DMRT3: variants seen among roughly 807,000 people sequenced by gnomAD.
DMRT3 encodes the protein doublesex and mab-3 related transcription factor 3.
In DMRT3, 29 loss-of-function variants were observed where a neutral mutation model predicts 34.9. The ratio of observed to expected loss-of-function variants is 0.83; its 90% confidence interval spans 0.62 to 1.13. DMRT3 has a LOEUF of 1.13. DMRT3 is among the 50% of genes most tolerant of loss of function. The pLI, the probability that DMRT3 is intolerant of heterozygous loss-of-function variation, is 0.00. For missense variants in DMRT3, 772 were observed against 629.1 expected (o/e 1.23, Z -2.43); for synonymous variants, 350 against 286.0 (o/e 1.22, Z -2.26).
chr9:989,947 C>G lies in DMRT3; in HGVS notation c.455-94C>G. 6 of 1,505,826 alleles carry G rather than the reference C, an allele frequency of 4.0e-6. No homozygotes were observed. In the South Asian group the frequency reaches 8.0e-5, roughly 20 times the overall value. The allele number at this position is 1,505,826 out of a possible 1,614,324, so 93.3% of individuals were successfully genotyped here. A position where few individuals can be genotyped will look rare whatever the true frequency, so the allele number is the denominator to read the frequency against. On this transcript the variant is annotated intron_variant, in intron 1 of 1. Coordinates refer to ENST00000190165, the MANE Select transcript of DMRT3 (RefSeq NM_021240.4). ...TATGACCCATTGAGATGCATTTGCT[C>G]TTCCAAAAAGCACGTGTACAGGTCT...
Position 990,384 on chromosome 9 carries a change from G to A in DMRT3, c.798G>A (p.Val266=). ...KKIFPNQKPT[V]LELILKGCGG... The stretch of plus-strand genomic sequence containing the variant: ...TATTCCCCAACCAGAAGCCAACGGT[G>A]CTTGAGCTCATCCTCAAGGGCTGTG... The change falls in exon 2 of 2, where the codon GTG becomes GTA. Residue 266 remains valine (V), a synonymous_variant. Transcript: ENST00000190165. 1 of 1,614,026 alleles carries A rather than the reference G, an allele frequency of 6.2e-7. No homozygotes were observed. The highest frequency in any genetic ancestry group is 8.5e-7 in the Non-Finnish European group (1 of 1,180,032).
intron 1 of DMRT3, among the ~76,000 whole-genome samples, chr9:983,311 C>A (rs1248386187): frequency 1.3e-5 from 2 of 152,180 alleles, no homozygotes; most frequent in African/African-American, 4.8e-5. Context: ...GTTTTTCCCA[C>A]TGATTATTAC....
At chr9:984,432 G>C (rs1820257865) in intron 1 of DMRT3, among the ~76,000 whole-genome samples, 1 of 151,282 alleles carries the variant, frequency 6.6e-6, no homozygotes, top group Non-Finnish European at 1.5e-5. Flanking sequence ...TATAACCTAT[G>C]ACATCTAAGT....
chr9:986,989 C>T (rs1358611150), intron 1 of DMRT3, among the ~76,000 whole-genome samples: 2 of 151,262 alleles, frequency 1.3e-5, no homozygotes, highest in African/African-American at 4.9e-5. Context: ...AAAAAAATCT[C>T]TTCATTCTCT....
intron 1 of DMRT3, among the ~76,000 whole-genome samples, chr9:979,247 C>CAGG (rs887331003): frequency 6.6e-6 from 1 of 152,054 alleles, no homozygotes; most frequent in Non-Finnish European, 1.5e-5. Flanking sequence ...AACACAACCC[C>CAGG]AGGAGGAGGA....
chr9:983,063 C>T (rs565981454), intron 1 of DMRT3, among the ~76,000 whole-genome samples: 1 of 152,306 alleles, frequency 6.6e-6, no homozygotes, highest in Non-Finnish European at 1.5e-5. Flanking sequence ...GTGAGTCATC[C>T]TCTTGCCTGA....
intron 1 of DMRT3, 22 bp downstream of exon 1, chr9:977,477 G>C (rs774747564): frequency 4.8e-5 from 61 of 1,275,908 alleles, no homozygotes; most frequent in Non-Finnish European, 4.2e-5. Context: ...TGAGGTGCGG[G>C]AGTTTGGCCG....
chr9:977,412 C>A lies in DMRT3; in HGVS notation c.411C>A (p.Ala137=). 1 of 1,262,944 alleles carries A rather than the reference C, an allele frequency of 7.9e-7. No homozygotes were observed. The highest frequency in any genetic ancestry group is 3.8e-5 in the Admixed American group (1 of 26,360). The allele number at this position is 1,262,944 out of a possible 1,614,324, so 78.2% of individuals were successfully genotyped here. Residue 137 remains alanine (A), a synonymous_variant, in exon 1 of 2, where the codon GCC becomes GCA. Transcript: ENST00000190165. ...CGGCCGCCGCGCTGCGTTGGACTGC[C>A]GAGCCGCAGCCCGGGGCTCTGCAGG... is the stretch of plus-strand genomic sequence containing the variant. ...LAAAAALRWT[A]EPQPGALQAQ...
Position 977,073 on chromosome 9 carries a change from G to T in DMRT3, c.72G>T (p.Gln24His). The stretch of plus-strand genomic sequence containing the variant: ...CGCAGCCGCCACGGGCGCCCCTGCA[G>T]CGCACGCCCAAGTGCGCGCGCTGCC... ...PVSQPPRAPL[Q>H]RTPKCARCRN... is the part of the protein sequence containing the mutation. Residue 24 changes from glutamine (Q) to histidine (H), a missense_variant, in exon 1 of 2, where the codon CAG becomes CAT. Transcript: ENST00000190165. 1 of 1,590,242 alleles carries T rather than the reference G, an allele frequency of 6.3e-7. No individual in the cohort carries two copies. The highest frequency in any genetic ancestry group is 8.6e-7 in the Non-Finnish European group (1 of 1,169,506).
chr9:976,970 C>T lies in DMRT3; in HGVS notation c.-32C>T. 3 of 1,441,776 alleles carry T rather than the reference C, an allele frequency of 2.1e-6. No individual in the cohort carries two copies. The African/African-American group carries it at 4.4e-5, about 21-fold the overall frequency. 89.3% of individuals were successfully genotyped at this position (1,441,776 alleles called of 1,614,324 possible). On this transcript the variant is annotated 5_prime_UTR_variant, in exon 1 of 2. Coordinates refer to ENST00000190165, the MANE Select transcript of DMRT3 (RefSeq NM_021240.4). This position sits in a 1 kb window ranked among gnomAD's most constrained non-coding sequence, Gnocchi z 4.5. ...AGCGCTCCCTGGCCCTCTCCCGCAG[C>T]CAGGCTGCCAACTCATTCGGGAGCC...
intron 1 of DMRT3, among the ~76,000 whole-genome samples, chr9:986,315 T>C (rs1348043145): frequency 6.6e-6 from 1 of 151,928 alleles, no homozygotes; most frequent in Non-Finnish European, 1.5e-5. Context: ...ATTGGGACAG[T>C]ATATCTGTTG....
Position 990,088 on chromosome 9 carries a change from G to C in DMRT3, c.502G>C (p.Glu168Gln), listed in dbSNP as rs980226025. 3.1e-6 allele frequency: 5 copies of C among 1,613,962 alleles called. No individual in the cohort carries two copies. In the African/African-American group the frequency reaches 5.3e-5, roughly 17 times the overall value. The change falls in exon 2 of 2, where the codon GAG becomes CAG. Residue 168 changes from glutamate (E) to glutamine (Q), a missense_variant. Glu to Gln is a conservative substitution (Grantham distance 29). Coordinates refer to ENST00000190165, the MANE Select transcript of DMRT3 (RefSeq NM_021240.4). ...AGACGGCAAGTCGGCAGACAATACA[G>C]AGGTCTTCAGTGACAAAGACACTGA... The part of the protein sequence containing the change: ...LGDGKSADNT[E>Q]VFSDKDTDQR...
rs1398611829 is a variant in DMRT3, at chr9:990,340, C to G, written c.754C>G (p.Leu252Val). The G allele has an allele frequency of 6.2e-7, 1 of 1,613,858 alleles. No homozygotes were observed. Among genetic ancestry groups the G allele is most frequent in the Non-Finnish European group, 8.5e-7 (1 of 1,180,028 alleles). ...CAGCTTGAAAGCCAACAGACCGCCG[C>G]TTGAAGTGTTAAAAAAGATATTCCC... ...PFSLKANRPPLEVLKKIFPNQ... is the reference protein window; with the variant it reads ...PFSLKANRPPVEVLKKIFPNQ... Residue 252 changes from leucine (L) to valine (V), a missense_variant, in exon 2 of 2, where the codon CTT (leucine) becomes GTT (valine). By Grantham distance (32) the Leu-to-Val change is conservative. Coordinates refer to ENST00000190165, the MANE Select transcript of DMRT3 (RefSeq NM_021240.4).
At chr9:983,702 G>A (rs1026670153) in intron 1 of DMRT3, among the ~76,000 whole-genome samples, 1 of 151,956 alleles carries the variant, frequency 6.6e-6, no homozygotes, top group Non-Finnish European at 1.5e-5. Context: ...CTTCTTGGAA[G>A]GTATTCCCTT....
At position 976,776 on chromosome 9, in the gene DMRT3, C is replaced by G. The variant is rs1394455745; in HGVS notation, c.-226C>G. On this transcript the variant is annotated 5_prime_UTR_variant, in exon 1 of 2. Coordinates refer to ENST00000190165, the MANE Select transcript of DMRT3 (RefSeq NM_021240.4). This position sits in a 1 kb window ranked among gnomAD's most constrained non-coding sequence, Gnocchi z 4.5. Reference sequence around the variant, plus strand: ...CGCCCAAGGCAGAGGCCCGCGTCGGCGTTGGCTGGGCGTGAGCTGGGAGGC... The same window carrying G: ...CGCCCAAGGCAGAGGCCCGCGTCGGGGTTGGCTGGGCGTGAGCTGGGAGGC... 6.6e-6 allele frequency among the ~76,000 whole-genome samples: 1 copy of G among 152,124 alleles called. No individual in the cohort carries two copies. The highest frequency in any genetic ancestry group is 1.5e-5 in the Non-Finnish European group (1 of 68,004).
At chr9:982,809 C>A (rs1324971684) in intron 1 of DMRT3, among the ~76,000 whole-genome samples, 7 of 152,220 alleles carry the variant, frequency 4.6e-5, no homozygotes, top group Non-Finnish European at 8.8e-5. Context: ...TGCCCGCCTC[C>A]TCTTTCTTTC....
chr9:985,997 A>G (rs1820278122), intron 1 of DMRT3, among the ~76,000 whole-genome samples: 1 of 152,208 alleles, frequency 6.6e-6, no homozygotes, highest in African/African-American at 2.4e-5. Flanking sequence ...CTTTTCTCAT[A>G]TTTTGGCTAT....
intron 1 of DMRT3, among the ~76,000 whole-genome samples, chr9:977,746 G>T (rs1820170538): frequency 6.6e-6 from 1 of 152,214 alleles, no homozygotes; most frequent in South Asian, 2.1e-4. Flanking sequence ...GGTTCGGAAC[G>T]TGTCAGATTG....
intron 1 of DMRT3, 133 bp downstream of exon 1, chr9:977,588 C>T (rs1224349700): frequency 2.3e-5 from 21 of 929,878 alleles, no homozygotes; most frequent in South Asian, 5.2e-5. Context: ...TTCCTACTCT[C>T]CGCCAGGCCG....
Sources: allele counts gnomAD v4.1 joint callset (sites outside exome capture counted in the v4.1 genomes callset), GRCh38; gene constraint gnomAD v4.1.1; non-coding constraint Gnocchi (gnomAD v3.1); transcripts MANE v1.5; gene names NCBI Gene and HGNC (gene_info 2026-07-23, HGNC 2026-07-21).